Variants in TLN2 observed in about 807,000 individuals in gnomAD.
The protein encoded by TLN2 is talin 2.
TLN2 carries 118 observed loss-of-function variants against 294.7 expected under a neutral mutation model. The observed-to-expected ratio is 0.40, with a 90% CI of 0.34 to 0.47. TLN2 has a LOEUF of 0.47. TLN2 is among the 20% of genes least tolerant of loss of function. The probability of loss-of-function intolerance (pLI) is 0.84; values close to 1 mark genes in which losing one functional copy is unlikely to be tolerated. For missense variants in TLN2, 3,083 were observed against 3,282.2 expected, an observed-to-expected ratio of 0.94 and a Z score of 1.48; for synonymous variants, 1,431 against 1,304.5, an observed-to-expected ratio of 1.10 and a Z score of -2.09.
intron 2 of TLN2, among the ~76,000 whole-genome samples, chr15:62,617,113 G>A (rs915365948): frequency 6.6e-6 from 1 of 152,110 alleles, no homozygotes; most frequent in Non-Finnish European, 1.5e-5. Context: ...CGGATTGTTT[G>A]GACTGTCCGT....
rs768565406 is a variant in TLN2 at position 62,796,164 on chromosome 15, A to G, written c.5921A>G (p.Lys1974Arg). Residue 1974 changes from lysine (K) to arginine (R), a missense_variant, in exon 47 of 59, where the codon AAA becomes AGA. Lys to Arg is a conservative substitution (Grantham distance 26, BLOSUM62 2). Transcript: ENST00000636159. ...LVLSALQAGN[K>R]GTQACITAAT... ...CTCTCGGCTCTCCAGGCCGGGAACA[A>G]AGGAACCCAGGCATGCATTACAGCC... 1 of 1,614,258 alleles carries G rather than the reference A, an allele frequency of 6.2e-7. No individual in the cohort carries two copies. Among genetic ancestry groups the G allele is most frequent in the Non-Finnish European group, 8.5e-7 (1 of 1,180,046 alleles).
chr15:62,532,681 CTGTT>C (rs1318859785), intron 1 of TLN2, among the ~76,000 whole-genome samples: 5 of 152,144 alleles, frequency 3.3e-5, no homozygotes, highest in East Asian at 1.9e-4. Flanking sequence ...CCATGCCTCT[CTGTT>C]TGTTTGGTTT....
intron 52 of TLN2, among the ~76,000 whole-genome samples, chr15:62,817,519 C>T (rs1282797057): frequency 6.6e-6 from 1 of 152,210 alleles, no homozygotes; most frequent in Non-Finnish European, 1.5e-5. Flanking sequence ...AGATTATTGA[C>T]TAATCCATTT....
intron 54 of TLN2, chr15:62,831,018 T>C (rs1282957367): frequency 6.9e-6 from 1 of 145,360 alleles, no homozygotes; most frequent in East Asian, 2.0e-4. Flanking sequence ...CCAAGTTGAA[T>C]ATCTATTATT....
intron 1 of TLN2, among the ~76,000 whole-genome samples, chr15:62,442,659 GA>G (rs568124222): frequency 2.1e-4 from 31 of 149,576 alleles, no homozygotes; most frequent in South Asian, 1.5e-3. Flanking sequence ...TGAGATAATA[GA>G]AAAAAAAAAT....
chr15:62,824,742 T>TA (rs1419365058), intron 54 of TLN2, among the ~76,000 whole-genome samples: 5 of 152,328 alleles, frequency 3.3e-5, no homozygotes, highest in Admixed American at 3.3e-4. Flanking sequence ...GGGATTATGA[T>TA]ATAGAAAACA....
intron 1 of TLN2, among the ~76,000 whole-genome samples, chr15:62,502,947 G>A (rs953680851): frequency 3.3e-5 from 5 of 152,130 alleles, no homozygotes; most frequent in African/African-American, 9.7e-5. Context: ...AAACAGCTTT[G>A]TGAAGCCTGC....
Position 62,844,211 on chromosome 15 carries a change from A to G in TLN2, c.*3601A>G, listed in dbSNP as rs1435901437. On this transcript the variant is annotated 3_prime_UTR_variant, in exon 59 of 59. Coordinates refer to ENST00000636159, the MANE Select transcript of TLN2 (RefSeq NM_015059.3). ...GGCATCTTTCCCAAAGGTATCCCCA[A>G]GTACCATGTTGAAAATGTCCTCAGT... is the stretch of plus-strand genomic sequence containing the variant. The G allele has an allele frequency of 3.3e-5, 5 of 152,236 alleles. No individual in the cohort carries two copies. Among genetic ancestry groups the G allele is most frequent in the Admixed American group, 1.3e-4 (2 of 15,284 alleles). The allele number at this position is 152,236 out of a possible 1,614,324, so 9.4% of individuals were successfully genotyped here.
At chr15:62,785,928 C>CA (rs1227311476) in intron 45 of TLN2, among the ~76,000 whole-genome samples, 12 of 152,270 alleles carry the variant, frequency 7.9e-5, no homozygotes, top group Middle Eastern at 6.8e-3. Flanking sequence ...GCTAAAAGCA[C>CA]AACAACAGGT....
At chr15:62,811,020 A>G (rs2066644321) in intron 52 of TLN2, among the ~76,000 whole-genome samples, 1 of 152,240 alleles carries the variant, frequency 6.6e-6, no homozygotes, top group Non-Finnish European at 1.5e-5. Context: ...TGAGACCCAG[A>G]AAGCTTGTCC....
rs1197822278 is a variant in TLN2 at position 62,455,846 on chromosome 15, C to G, written c.-238+65161C>G. On this transcript the variant is annotated intron_variant, in intron 1 of 58. Coordinates refer to ENST00000636159, the MANE Select transcript of TLN2 (RefSeq NM_015059.3). ...TTCCCCAGCGTCCTGTCCTCCGAGC[C>G]AGTACCCCTTCTCTACCGCCGCCAC... Among the ~76,000 whole-genome samples the G allele has an allele frequency of 2.0e-5, 3 of 152,216 alleles. No individual in the cohort carries two copies. In the South Asian group the frequency reaches 6.2e-4, roughly 32 times the overall value.
chr15:62,570,814 G>A (rs2043805644), intron 1 of TLN2, among the ~76,000 whole-genome samples: 1 of 152,136 alleles, frequency 6.6e-6, no homozygotes, highest in South Asian at 2.1e-4. Flanking sequence ...AATTGCCCTT[G>A]GTTGAGAACC....
At chr15:62,487,787 C>T (rs1474316640) in intron 1 of TLN2, among the ~76,000 whole-genome samples, 1 of 152,136 alleles carries the variant, frequency 6.6e-6, no homozygotes, top group Non-Finnish European at 1.5e-5. Flanking sequence ...CCTGTAGTCC[C>T]AGCTACTTGG....
At chr15:62,527,192 G>C (rs1243512977) in intron 1 of TLN2, among the ~76,000 whole-genome samples, 1 of 152,112 alleles carries the variant, frequency 6.6e-6, no homozygotes, top group Non-Finnish European at 1.5e-5. Context: ...CGGGTGTTTG[G>C]TGTCAAAATC....
intron 52 of TLN2, among the ~76,000 whole-genome samples, chr15:62,815,871 C>G (rs2067070553): frequency 1.3e-5 from 2 of 152,116 alleles, no homozygotes; most frequent in African/African-American, 4.8e-5. Flanking sequence ...GTATCTGTTC[C>G]CACTCCTATT....
chr15:62,800,577 C>T (rs1223806939), intron 49 of TLN2, 76 bp from the exon 50 acceptor site: 13 of 1,608,206 alleles, frequency 8.1e-6, no homozygotes, highest in African/African-American at 1.3e-5. Flanking sequence ...TCATAGCATG[C>T]GATCCAGAAG....
chr15:62,773,078 A>G (rs1158042406), intron 42 of TLN2, among the ~76,000 whole-genome samples: 1 of 107,134 alleles, frequency 9.3e-6, no homozygotes, highest in East Asian at 2.6e-4. Context: ...TTTCTGGTAA[A>G]GCAGAGTCTG....
chr15:62,579,707 A>G (rs2044748206), intron 1 of TLN2, among the ~76,000 whole-genome samples: 1 of 152,170 alleles, frequency 6.6e-6, no homozygotes, highest in Admixed American at 6.5e-5. Context: ...ACTTCATTAC[A>G]GATGACAGAG....
intron 43 of TLN2, among the ~76,000 whole-genome samples, chr15:62,779,422 TAA>T (rs1345903794): frequency 6.6e-6 from 1 of 152,222 alleles, no homozygotes; most frequent in Non-Finnish European, 1.5e-5. Flanking sequence ...GGCTGTTTTA[TAA>T]AAGAAAGGTC....
Sources: allele counts gnomAD v4.1 joint callset (sites outside exome capture counted in the v4.1 genomes callset), GRCh38; gene constraint gnomAD v4.1.1; transcripts MANE v1.5; gene names NCBI Gene and HGNC (gene_info 2026-07-23, HGNC 2026-07-21).